Variants in TNRC6A observed in about 807,000 individuals in gnomAD.
TNRC6A encodes trinucleotide repeat-containing gene 6A protein.
A neutral mutation model predicts 221.2 loss-of-function variants in TNRC6A; 44 were observed. That is an observed-to-expected ratio of 0.20 (90% CI 0.16 to 0.26). The LOEUF (loss-of-function observed/expected upper bound fraction) is 0.26, where lower values mean the gene tolerates loss of function less well. Among genes scored for constraint, TNRC6A ranks in the 10% least tolerant of loss-of-function variants. The pLI, the probability that TNRC6A is intolerant of heterozygous loss-of-function variation, is 1.00. For synonymous variants in TNRC6A, 847 were observed against 838.5 expected (o/e 1.01, Z -0.18); for missense variants, 2,199 against 2,404.4 (o/e 0.91, Z 1.79).
intron 4 of TNRC6A, among the ~76,000 whole-genome samples, chr16:24,761,304 A>G (rs936022754): frequency 1.3e-4 from 20 of 152,236 alleles, no homozygotes; most frequent in African/African-American, 3.9e-4. Flanking sequence ...AAAGAACACA[A>G]ATATTTGAAT....
intron 5 of TNRC6A, 135 bp downstream of exon 5, chr16:24,777,493 G>T: frequency 1.3e-6 from 1 of 798,460 alleles, no homozygotes; most frequent in East Asian, 2.6e-5. Context: ...TTCTTTATAG[G>T]GAGTTATGAA....
At chr16:24,808,603 A>G (rs2058481875) in intron 17 of TNRC6A, among the ~76,000 whole-genome samples, 1 of 152,258 alleles carries the variant, frequency 6.6e-6, no homozygotes, top group Non-Finnish European at 1.5e-5. Flanking sequence ...TGCTCTCTGC[A>G]AAAATACGCA....
intron 4 of TNRC6A, among the ~76,000 whole-genome samples, chr16:24,771,574 A>ATG (rs2057601466): frequency 1.0e-5 from 1 of 99,118 alleles, no homozygotes; most frequent in African/African-American, 3.9e-5. Context: ...ATGTTATGTT[A>ATG]TGTTATGTTG....
chr16:24,694,569 C>T (rs1489403820), intron 2 of TNRC6A, among the ~76,000 whole-genome samples: 1 of 145,034 alleles, frequency 6.9e-6, no homozygotes, highest in African/African-American at 2.6e-5. Context: ...GCAGGAGAAT[C>T]GCTTGAACCC....
At chr16:24,812,409 AAAAT>A (rs1389653370) in intron 18 of TNRC6A, among the ~76,000 whole-genome samples, 1 of 152,270 alleles carries the variant, frequency 6.6e-6, no homozygotes, top group Admixed American at 6.5e-5. Flanking sequence ...GGGAAATGGC[AAAAT>A]AAATATGAAT....
intron 2 of TNRC6A, among the ~76,000 whole-genome samples, chr16:24,648,418 C>T (rs552142272): frequency 6.6e-6 from 1 of 151,856 alleles, no homozygotes; most frequent in African/African-American, 2.4e-5. Flanking sequence ...CTACAGGTGC[C>T]CACCACCACG....
chr16:24,666,302 A>C (rs569269371), intron 2 of TNRC6A, among the ~76,000 whole-genome samples: 1 of 151,798 alleles, frequency 6.6e-6, no homozygotes, highest in Non-Finnish European at 1.5e-5. Flanking sequence ...CCCCATCTCT[A>C]CTAAAAATAC....
chr16:24,628,377 T>A lies in TNRC6A; in HGVS notation n.277-12507T>A, dbSNP rs192173794. On this transcript the variant is annotated intron_variant and non_coding_transcript_variant, in intron 1 of 2. Transcript: ENST00000566108. ...GGAGGTTGCAGTGAGCTGAGATCGC[T>A]CCATTGCACTCCAGCCTGGGTGAAG... 8.4e-4 allele frequency among the ~76,000 whole-genome samples: 128 copies of A among 151,564 alleles called. 1 individual carries two copies. Among genetic ancestry groups the A allele is most frequent in the African/African-American group, 2.8e-3 (116 of 41,320 alleles).
intron 2 of TNRC6A, among the ~76,000 whole-genome samples, chr16:24,731,311 A>G (rs554688204): frequency 3.9e-5 from 6 of 152,186 alleles, no homozygotes; most frequent in African/African-American, 1.4e-4. Context: ...GGTTTTTAAC[A>G]CTCACATTTC....
chr16:24,629,651 T>C (rs1489662749), intron 1 of TNRC6A, among the ~76,000 whole-genome samples: 2 of 152,172 alleles, frequency 1.3e-5, no homozygotes, highest in Non-Finnish European at 2.9e-5. Context: ...TAGTCATTTA[T>C]TAGCCTTTTT....
At chr16:24,737,018 C>T (rs567191672) in intron 2 of TNRC6A, among the ~76,000 whole-genome samples, 4 of 152,232 alleles carry the variant, frequency 2.6e-5, no homozygotes, top group African/African-American at 7.2e-5. Context: ...GCTTGTAATA[C>T]GCTTTCTTAA....
chr16:24,687,608 G>A (rs547360692), intron 2 of TNRC6A, among the ~76,000 whole-genome samples: 50 of 152,200 alleles, frequency 3.3e-4, no homozygotes, highest in African/African-American at 1.2e-3. Context: ...GAGCAACATA[G>A]TGAGATGCCC....
chr16:24,635,967 A>G (rs984771585), intron 1 of TNRC6A, among the ~76,000 whole-genome samples: 1 of 152,228 alleles, frequency 6.6e-6, no homozygotes, highest in Non-Finnish European at 1.5e-5. Context: ...TTTATCATCC[A>G]TTCCTTAATT....
At chr16:24,712,623 G>A (rs756714510) in intron 2 of TNRC6A, among the ~76,000 whole-genome samples, 14 of 152,032 alleles carry the variant, frequency 9.2e-5, no homozygotes, top group East Asian at 3.9e-4. Context: ...TTAGATTTCC[G>A]TCTCATATCA....
rs756466503 is a variant in TNRC6A, at chr16:24,790,855, C to T, written c.2213C>T (p.Thr738Ile). 1 of 1,614,126 alleles carries T rather than the reference C, an allele frequency of 6.2e-7. No homozygotes were observed. Among genetic ancestry groups the T allele is most frequent in the South Asian group, 1.1e-5 (1 of 91,084 alleles). ...IKQNTAWDTE[T>I]SPRGERKTDN... ...CAGAATACTGCCTGGGATACAGAAA[C>T]ATCACCTAGAGGGGAACGAAAGACT... The change falls in exon 6 of 25, where the codon ACA becomes ATA. Residue 738 changes from threonine (T) to isoleucine (I), a missense_variant. Thr to Ile is a moderately conservative substitution (Grantham distance 89). Transcript: ENST00000395799.
intron 6 of TNRC6A, among the ~76,000 whole-genome samples, chr16:24,792,164 ATC>A (rs2058116391): frequency 6.6e-6 from 1 of 152,230 alleles, no homozygotes; most frequent in South Asian, 2.1e-4. Flanking sequence ...TAAAACAAGT[ATC>A]TCATAAATAC....
intron 1 of TNRC6A, among the ~76,000 whole-genome samples, chr16:24,635,018 T>A (rs1305040720): frequency 6.6e-6 from 1 of 152,202 alleles, no homozygotes; most frequent in Non-Finnish European, 1.5e-5. Flanking sequence ...GGTCTTGAAC[T>A]CCTGCCTCAG....
intron 5 of TNRC6A, among the ~76,000 whole-genome samples, chr16:24,787,198 ACAAAAGAACC>A (rs2151838624): frequency 6.6e-6 from 1 of 152,364 alleles, no homozygotes; most frequent in Non-Finnish European, 1.5e-5. Flanking sequence ...GATAAAATTA[ACAAAAGAACC>A]AGGTTAAGAA....
At chr16:24,766,204 A>G (rs1382869363) in intron 4 of TNRC6A, among the ~76,000 whole-genome samples, 2 of 152,176 alleles carry the variant, frequency 1.3e-5, no homozygotes, top group African/African-American at 4.8e-5. Flanking sequence ...TTGGGTTTTA[A>G]ATTTCACCTC....
Sources: gnomAD v4.1 joint callset for allele counts (sites outside exome capture counted in the v4.1 genomes callset) on GRCh38, gnomAD v4.1.1 for gene constraint, MANE v1.5 for transcripts, NCBI Gene and HGNC (gene_info 2026-07-23, HGNC 2026-07-21) for gene names.